Variants in APOA5 observed in about 807,000 individuals in gnomAD.
APOA5 encodes the protein apolipoprotein A-V.
A neutral mutation model predicts 31.8 loss-of-function variants in APOA5; 26 were observed. The observed-to-expected ratio is 0.82, with a 90% CI of 0.60 to 1.13. The LOEUF (loss-of-function observed/expected upper bound fraction) is 1.13. APOA5 is among the 50% of genes most tolerant of loss of function. The pLI is 0.00. For synonymous variants in APOA5, 186 were observed against 198.5 expected (o/e 0.94, Z 0.53); for missense variants, 450 against 488.0 (o/e 0.92, Z 0.73).
At chr11:116,791,549 C>A in intron 2 of APOA5, 37 bp downstream of exon 2, 1 of 1,560,802 alleles carries the variant, frequency 6.4e-7, no homozygotes, top group Admixed American at 1.9e-5. Context: ...CCAGCTGTCT[C>A]CTCCCTTCGC....
rs758906155 is a variant in APOA5 at position 116,790,248 on chromosome 11, C to T, written c.981G>A (p.Glu327=). 1 of 1,614,270 alleles carries T rather than the reference C, an allele frequency of 6.2e-7. No individual in the cohort carries two copies. Among genetic ancestry groups the T allele is most frequent in the Admixed American group, 1.7e-5 (1 of 60,032 alleles). Residue 327 remains glutamate (E), a synonymous_variant, in exon 3 of 3, where the codon GAG becomes GAA. Coordinates refer to ENST00000227665, the MANE Select transcript of APOA5 (RefSeq NM_001371904.1). The part of the protein sequence containing the change: ...PPPGHSAFAP[E]FQQTDSGKVL... ...CCTTGCCACTGTCTGTTTGTTGAAA[C>T]TCTGGGGCGAAGGCACTGTGGCCTG...
At position 116,790,434 on chromosome 11, in the gene APOA5, C is replaced by G. The variant is rs1171087501; in HGVS notation, c.795G>C (p.Gly265=). 6.2e-7 allele frequency: 1 copy of G among 1,605,456 alleles called. No homozygotes were observed. Reference sequence around the variant, plus strand: ...GGTCCGGGCCGGCCCCTTCCTCAGTCCCAGTGCCTGCAAAGGCTCTGCTGA... The same window carrying G: ...GGTCCGGGCCGGCCCCTTCCTCAGTGCCAGTGCCTGCAAAGGCTCTGCTGA... ...EELSRAFAGT[G]TEEGAGPDPQ... Residue 265 remains glycine, a synonymous_variant, in exon 3 of 3, where the codon GGG becomes GGC. Transcript: ENST00000227665.
At chr11:116,791,503 G>T in intron 2 of APOA5, 83 bp downstream of exon 2, 1 of 1,348,798 alleles carries the variant, frequency 7.4e-7, no homozygotes, top group Non-Finnish European at 1.0e-6. Flanking sequence ...CGGCCACAGA[G>T]GTTGAGGCAG....
rs563462071 is a variant in APOA5, at chr11:116,790,531, C to T, written c.698G>A (p.Arg233Gln). 35 of 1,598,674 alleles carry T rather than the reference C, an allele frequency of 2.2e-5. No homozygotes were observed. In the South Asian group the frequency reaches 3.5e-4, roughly 16 times the overall value. ...RLSRCVQVLS[R>Q]KLTLKAKALH... Reference sequence around the variant, plus strand: ...GGCCTTGGCCTTGAGCGTGAGCTTCCGGGAGAGCACCTGCACGCAGCGACT... The same window carrying T: ...GGCCTTGGCCTTGAGCGTGAGCTTCTGGGAGAGCACCTGCACGCAGCGACT... The change falls in exon 3 of 3, where the codon CGG becomes CAG. Residue 233 changes from arginine to glutamine, a missense_variant. Arg to Gln is a conservative substitution (Grantham distance 43). Coordinates refer to ENST00000227665, the MANE Select transcript of APOA5 (RefSeq NM_001371904.1).
Position 116,790,077 on chromosome 11 carries a change from G to T in APOA5, c.*51C>A. The T allele has an allele frequency of 6.3e-7, 1 of 1,586,730 alleles. No homozygotes were observed. The highest frequency in any genetic ancestry group is 8.6e-7 in the Non-Finnish European group (1 of 1,162,420). On this transcript the variant is annotated 3_prime_UTR_variant, in exon 3 of 3. Transcript: ENST00000227665. ...GACTGAACCATGCTAGAGGCTCAGA[G>T]CCAAGGCTCCCCAGACAAGGAGCTG... is the stretch of plus-strand genomic sequence containing the variant.
upstream of APOA5, chr11:116,792,374 G>A: frequency 4.6e-6 from 1 of 219,154 alleles, no homozygotes; most frequent in South Asian, 6.8e-5. Context: ...TGCCCCAGCT[G>A]CTCACCTGCT....
chr11:116,790,317 G>A lies in APOA5; in HGVS notation c.912C>T (p.Asp304=). 6.2e-7 allele frequency: 1 copy of A among 1,614,260 alleles called. No homozygotes were observed. Among genetic ancestry groups the A allele is most frequent in the Non-Finnish European group, 8.5e-7 (1 of 1,180,050 alleles). Residue 304 remains aspartate (D), a synonymous_variant, in exon 3 of 3, where the codon GAC becomes GAT. Coordinates refer to ENST00000227665, the MANE Select transcript of APOA5 (RefSeq NM_001371904.1). ...LQIAAFTRAI[D]QETEEVQQQL... is the part of the protein sequence containing the mutation. The stretch of plus-strand genomic sequence containing the variant: ...GCTGCTGGACCTCCTCAGTCTCCTG[G>A]TCGATGGCGCGAGTGAAGGCAGCTA...
At chr11:116,791,526 A>C (rs1941011285) in intron 2 of APOA5, 60 bp downstream of exon 2, 3 of 1,501,504 alleles carry the variant, frequency 2.0e-6, no homozygotes, top group Non-Finnish European at 2.7e-6. Context: ...GAGGCAGGTC[A>C]TCATGGCATG....
Position 116,791,716 on chromosome 11 carries a change from T to C in APOA5, c.50-19A>G. On this transcript the variant is annotated intron_variant, in intron 1 of 2. Transcript: ENST00000227665. ...GAAAACGCTGTGGAGAGGGACTAGG[T>C]AATCAGGGCCTGGGCTCTCCTCCCC... 7 of 1,609,110 alleles carry C rather than the reference T, an allele frequency of 4.4e-6. No individual in the cohort carries two copies. Among genetic ancestry groups the C allele is most frequent in the South Asian group, 1.1e-5 (1 of 90,310 alleles).
Position 116,790,578 on chromosome 11 carries a change from G to T in APOA5, c.651C>A (p.Ala217=). 5.0e-6 allele frequency: 8 copies of T among 1,599,008 alleles called. No individual in the cohort carries two copies. Among genetic ancestry groups the T allele is most frequent in the Non-Finnish European group, 6.8e-6 (8 of 1,177,072 alleles). ...GACTGAGGCGCGCGGGGCTGGCGGGGGCGTGCGGAGCCACACTGCGGTGCA... is the reference window on the plus strand; with the variant it reads ...GACTGAGGCGCGCGGGGCTGGCGGGTGCGTGCGGAGCCACACTGCGGTGCA... ...QELHRSVAPH[A]PASPARLSRC... is the part of the protein sequence containing the mutation. Residue 217 remains alanine, a synonymous_variant, in exon 3 of 3, where the codon GCC becomes GCA. Coordinates refer to ENST00000227665, the MANE Select transcript of APOA5 (RefSeq NM_001371904.1).
chr11:116,791,820 A>G lies in APOA5; in HGVS notation c.41T>C (p.Leu14Pro). 3 of 1,614,250 alleles carry G rather than the reference A, an allele frequency of 1.9e-6. No homozygotes were observed. Among genetic ancestry groups the G allele is most frequent in the Non-Finnish European group, 2.5e-6 (3 of 1,180,052 alleles). ...CAGGGTCGGAGACCCACCTGAAAGA[A>G]GAGCCAGAGCCCAGGTGAGCACGGC... ...MAAVLTWALA[L>P]LSAFSATQAR... Residue 14 changes from leucine to proline, a missense_variant, in exon 1 of 3, where the codon CTT becomes CCT. Coordinates refer to ENST00000227665, the MANE Select transcript of APOA5 (RefSeq NM_001371904.1).
rs760626837 is a variant in APOA5, at chr11:116,790,500, G to T, written c.729C>A (p.His243Gln). Reference protein sequence around the residue: ...RKLTLKAKALHARIQQNLDQL... With the variant: ...RKLTLKAKALQARIQQNLDQL... ...GGTCCAGGTTCTGCTGGATGCGTGC[G>T]TGCAGGGCCTTGGCCTTGAGCGTGA... is the stretch of plus-strand genomic sequence containing the variant. Residue 243 changes from histidine to glutamine, a missense_variant, in exon 3 of 3, where the codon CAC (histidine) becomes CAA (glutamine). Physicochemically the swap from His to Gln is conservative, Grantham distance 24. Transcript: ENST00000227665. The T allele has an allele frequency of 1.2e-6, 2 of 1,601,304 alleles. No homozygotes were observed. The highest frequency in any genetic ancestry group is 1.7e-6 in the Non-Finnish European group (2 of 1,179,220).
chr11:116,789,645 C>T lies in APOA5; in HGVS notation c.*483G>A, dbSNP rs1245700849. On this transcript the variant is annotated 3_prime_UTR_variant, in exon 3 of 3. Transcript: ENST00000227665. ...CATCACATGTTCTCCCCATGATATT[C>T]TCTTTCTCCCTTCTATTCCCCTGAT... is the stretch of plus-strand genomic sequence containing the variant. The T allele has an allele frequency of 1.6e-5, 4 of 250,534 alleles. No homozygotes were observed. The highest frequency in any genetic ancestry group is 1.5e-4 in the South Asian group (3 of 19,374). 15.5% of individuals were successfully genotyped at this position (250,534 alleles called of 1,614,324 possible).
chr11:116,790,879 A>C lies in APOA5; in HGVS notation c.350T>G (p.Leu117Arg). The C allele has an allele frequency of 6.2e-7, 1 of 1,613,778 alleles. No individual in the cohort carries two copies. Reference protein sequence around the residue: ...LQPYMAEAHELVGWNLEGLRQ... With the variant: ...LQPYMAEAHERVGWNLEGLRQ... The stretch of plus-strand genomic sequence containing the variant: ...CAAGCCCTCCAAATTCCAGCCCACC[A>C]GCTCGTGCGCCTCTGCCATGTAGGG... Residue 117 changes from leucine to arginine, a missense_variant, in exon 3 of 3, where the codon CTG becomes CGG. Leu to Arg is a moderately radical substitution (Grantham distance 102). Transcript: ENST00000227665.
upstream of APOA5, chr11:116,791,948 G>T (rs1456210456): frequency 4.1e-6 from 6 of 1,460,612 alleles, no homozygotes; most frequent in Admixed American, 3.7e-5. Context: ...TGCCCAGGGG[G>T]CCTCTGCAGG....
upstream of APOA5, chr11:116,792,001 A>G: frequency 1.1e-6 from 1 of 900,502 alleles, no homozygotes; most frequent in African/African-American, 1.6e-5. Flanking sequence ...TGGGCTGGGG[A>G]GCACAGAGCT....
At position 116,790,241 on chromosome 11, in the gene APOA5, G is replaced by C. The variant is rs1343828641; in HGVS notation, c.988C>G (p.Gln330Glu). The change falls in exon 3 of 3, where the codon CAA (glutamine) becomes GAA (glutamate). Residue 330 changes from glutamine (Q) to glutamate (E), a missense_variant. Coordinates refer to ENST00000227665, the MANE Select transcript of APOA5 (RefSeq NM_001371904.1). The stretch of plus-strand genomic sequence containing the variant: ...CTCAGAACCTTGCCACTGTCTGTTT[G>C]TTGAAACTCTGGGGCGAAGGCACTG... ...GHSAFAPEFQ[Q>E]TDSGKVLSKL... is the part of the protein sequence containing the mutation. The C allele has an allele frequency of 1.9e-6, 3 of 1,614,282 alleles. No homozygotes were observed. The highest frequency in any genetic ancestry group is 1.6e-4 in the Middle Eastern group (1 of 6,062).
intron 2 of APOA5, chr11:116,791,339 C>A: frequency 1.4e-6 from 1 of 702,104 alleles, no homozygotes. Flanking sequence ...CGGGCGTCCT[C>A]CCGATTGATC....
At chr11:116,791,911 A>G, upstream of APOA5, 3 of 1,604,124 alleles carry the variant, frequency 1.9e-6, no homozygotes. Context: ...GGGAAGAAGG[A>G]GACGAAGGGA....
Sources: allele counts gnomAD v4.1 joint callset, GRCh38; gene constraint gnomAD v4.1.1; transcripts MANE v1.5; gene names NCBI Gene and HGNC (gene_info 2026-07-23, HGNC 2026-07-21).